The following SCAF8 variants were observed in gnomAD, a reference collection of about 807,000 sequenced individuals.
The protein encoded by SCAF8 is SR-related and CTD-associated factor 8.
In SCAF8, 23 loss-of-function variants were observed where a neutral mutation model predicts 140.5. The observed-to-expected ratio is 0.16, with a 90% confidence interval of 0.12 to 0.23. The LOEUF is 0.23. Ranked by LOEUF, SCAF8 falls within the 10% of genes least tolerant of loss-of-function variation. The pLI is 1.00. For synonymous variants in SCAF8, 575 were observed against 528.9 expected, an observed-to-expected ratio of 1.09 and a Z score of -1.20; for missense variants, 1,397 against 1,555.7, an observed-to-expected ratio of 0.90 and a Z score of 1.72.
At chr6:154,770,388 A>ACTCTCTCT (rs58596375) in intron 1 of SCAF8, among the ~76,000 whole-genome samples, 91 of 141,994 alleles carry the variant, frequency 6.4e-4, no homozygotes, top group South Asian at 1.6e-3. Flanking sequence ...ACACACACAC[A>ACTCTCTCT]CTCTCTCTCT....
chr6:154,772,686 C>CTCAATCAATCAA (rs537232418), intron 1 of SCAF8, among the ~76,000 whole-genome samples: 1 of 152,076 alleles, frequency 6.6e-6, no homozygotes, highest in East Asian at 1.9e-4. Flanking sequence ...GAGACCCTGT[C>CTCAATCAATCAA]TCAATCAATC....
At chr6:154,738,070 A>T (rs1778473664) in intron 1 of SCAF8, among the ~76,000 whole-genome samples, 1 of 151,446 alleles carries the variant, frequency 6.6e-6, no homozygotes. Flanking sequence ...CTGTAGTCTT[A>T]GCTACTTGGG....
chr6:154,774,257 A>G (rs1776855412), intron 2 of SCAF8, among the ~76,000 whole-genome samples, 185 bp downstream of exon 2: 1 of 152,128 alleles, frequency 6.6e-6, no homozygotes, highest in African/African-American at 2.4e-5. Flanking sequence ...TAAACATTTA[A>G]TGTTTATTAT....
chr6:154,812,000 T>C (rs954998208), intron 12 of SCAF8, among the ~76,000 whole-genome samples: 1 of 152,190 alleles, frequency 6.6e-6, no homozygotes, highest in Non-Finnish European at 1.5e-5. Context: ...AGTAAATACG[T>C]GTGCTGTTTA....
At chr6:154,746,391 AATAG>A (rs1350833317) in intron 1 of SCAF8, among the ~76,000 whole-genome samples, 22 of 152,176 alleles carry the variant, frequency 1.4e-4, no homozygotes, top group African/African-American at 5.3e-4. Context: ...TATATCTATC[AATAG>A]ATAGAACTGT....
intron 1 of SCAF8, among the ~76,000 whole-genome samples, chr6:154,749,550 T>C (rs1778789163): frequency 6.6e-6 from 1 of 152,108 alleles, no homozygotes; most frequent in African/African-American, 2.4e-5. Context: ...CATTATGATA[T>C]GAAGAGTAGT....
chr6:154,753,373 A>G (rs575354679), intron 1 of SCAF8, among the ~76,000 whole-genome samples: 2 of 152,302 alleles, frequency 1.3e-5, no homozygotes, highest in East Asian at 3.9e-4. Flanking sequence ...AGGCTGAGTC[A>G]GGAGAATCGC....
chr6:154,786,721 A>C (rs1206790694), intron 3 of SCAF8, among the ~76,000 whole-genome samples: 1 of 152,218 alleles, frequency 6.6e-6, no homozygotes, highest in Admixed American at 6.5e-5. Flanking sequence ...AGGCGGTTTC[A>C]ATTAGAGAGT....
At chr6:154,788,051 T>A in intron 4 of SCAF8, 29 bp downstream of exon 4, 1 of 1,571,178 alleles carries the variant, frequency 6.4e-7, no homozygotes, top group Non-Finnish European at 8.6e-7. Context: ...TTTTTTGTTT[T>A]TTTAAAAGTA....
At chr6:154,784,120 G>GAGATATATATATATAT (rs1362230678) in intron 3 of SCAF8, among the ~76,000 whole-genome samples, 10 of 106,886 alleles carry the variant, frequency 9.4e-5, no homozygotes, top group African/African-American at 3.2e-4. Flanking sequence ...GGTGTCTTGA[G>GAGATATATATATATAT]ATATATATAT....
intron 3 of SCAF8, among the ~76,000 whole-genome samples, chr6:154,780,821 T>G (rs1490558847): frequency 6.6e-6 from 1 of 152,214 alleles, no homozygotes; most frequent in African/African-American, 2.4e-5. Context: ...TGAATAGTGC[T>G]GCAGTAAACA....
rs750529363 is a variant in SCAF8, at chr6:154,833,187, C to T, written c.3608C>T (p.Thr1203Ile). 18 of 1,613,986 alleles carry T rather than the reference C, an allele frequency of 1.1e-5. 1 individual carries two copies. In the South Asian group the frequency reaches 2.0e-4, roughly 18 times the overall value. Residue 1203 changes from threonine (T) to isoleucine (I), a missense_variant, in exon 20 of 20, where the codon ACT becomes ATT. By Grantham distance (89) the Thr-to-Ile change is moderately conservative (BLOSUM62 -1). Around this residue, in one of 5 missense-constraint regions of SCAF8, gnomAD observed 930 missense variants for 874.6 expected, o/e 1.06. Coordinates refer to ENST00000367178, the MANE Select transcript of SCAF8 (RefSeq NM_014892.5). ...GTTTTTGATTATTTTGAAGGGGCCA[C>T]TTCTCAACGAAAAGGTGATAATGTG... ...ARVFDYFEGA[T>I]SQRKGDNVPQ...
At chr6:154,776,907 G>A (rs993742710) in intron 2 of SCAF8, among the ~76,000 whole-genome samples, 4 of 152,234 alleles carry the variant, frequency 2.6e-5, no homozygotes, top group African/African-American at 4.8e-5. Context: ...AAGGCTGGGC[G>A]CAGTGGCTCA....
At position 154,733,599 on chromosome 6, in the gene SCAF8, G is replaced by A. The variant is rs1014741157; in HGVS notation, c.-302G>A. 5 of 1,291,224 alleles carry A rather than the reference G, an allele frequency of 3.9e-6. No homozygotes were observed. The highest frequency in any genetic ancestry group is 4.2e-5 in the Admixed American group (1 of 23,832). The allele number at this position is 1,291,224 out of a possible 1,614,324, so 80.0% of individuals were successfully genotyped here. On this transcript the variant is annotated 5_prime_UTR_variant, in exon 1 of 20. Transcript: ENST00000367178. ...GGGGACCGAAACGGAGCGGGGCAGAGAAGAGAAGGCGCCGCGGCCCAGCCC... is the reference window on the plus strand; with the variant it reads ...GGGGACCGAAACGGAGCGGGGCAGAAAAGAGAAGGCGCCGCGGCCCAGCCC...
intron 3 of SCAF8, among the ~76,000 whole-genome samples, chr6:154,786,123 A>G (rs1361670284): frequency 2.0e-5 from 3 of 152,210 alleles, no homozygotes; most frequent in Non-Finnish European, 4.4e-5. Context: ...ATTATTACTC[A>G]AATCAGTCTC....
chr6:154,803,806 T>G (rs1414251105), intron 8 of SCAF8, among the ~76,000 whole-genome samples, 183 bp downstream of exon 8: 1 of 152,196 alleles, frequency 6.6e-6, no homozygotes, highest in Non-Finnish European at 1.5e-5. Flanking sequence ...TTTTCTCAGA[T>G]CTTTGCAAAT....
rs1427387042 is a variant in SCAF8 at position 154,794,286 on chromosome 6, A to G, written c.476-723A>G. On this transcript the variant is annotated intron_variant, in intron 5 of 19. Coordinates refer to ENST00000367178, the MANE Select transcript of SCAF8 (RefSeq NM_014892.5). ...ATAAAATTTTTTTATTGAAGATTGT[A>G]TTTTGAATATTTCCTCATGTTACTG... Among the ~76,000 whole-genome samples the G allele has an allele frequency of 2.6e-5, 4 of 152,104 alleles. No homozygotes were observed. In the South Asian group the frequency reaches 6.2e-4, roughly 24 times the overall value.
At chr6:154,778,269 A>G (rs1776972242) in intron 3 of SCAF8, among the ~76,000 whole-genome samples, 1 of 152,228 alleles carries the variant, frequency 6.6e-6, no homozygotes, top group Non-Finnish European at 1.5e-5. Context: ...AAGCAGAGCC[A>G]GTTTGAGAAT....
At chr6:154,781,795 T>A (rs185611395) in intron 3 of SCAF8, among the ~76,000 whole-genome samples, 12 of 152,300 alleles carry the variant, frequency 7.9e-5, no homozygotes, top group Non-Finnish European at 1.6e-4. Flanking sequence ...AAGTTTACAT[T>A]TCTTTGGGAT....
Sources: gnomAD v4.1 joint callset for allele counts (sites outside exome capture counted in the v4.1 genomes callset) on GRCh38, gnomAD v4.1.1 for gene constraint, gnomAD v4.1.1 regional missense constraint, MANE v1.5 for transcripts, NCBI Gene and HGNC (gene_info 2026-07-23, HGNC 2026-07-21) for gene names.